Variants in RMND1 observed in about 807,000 individuals in gnomAD.
RMND1 encodes required for meiotic nuclear division 1 homolog.
In RMND1, 41 loss-of-function variants were observed where a neutral mutation model predicts 54.0. The observed-to-expected ratio is 0.76, with a 90% CI of 0.59 to 0.98. RMND1 has a LOEUF of 0.98. RMND1 is among the 50% of genes least tolerant of loss of function. RMND1 has a pLI of 0.00. For synonymous variants in RMND1, 183 were observed against 181.7 expected, an observed-to-expected ratio of 1.01 and a Z score of -0.06; for missense variants, 457 against 532.0, an observed-to-expected ratio of 0.86 and a Z score of 1.39.
intron 10 of RMND1, among the ~76,000 whole-genome samples, chr6:151,410,109 C>T (rs1779769984): frequency 6.6e-6 from 1 of 150,526 alleles, no homozygotes; most frequent in Non-Finnish European, 1.5e-5. Flanking sequence ...GGCTGGACTG[C>T]AGTGGCACAA....
chr6:151,422,904 T>C (rs1332850585), intron 7 of RMND1, among the ~76,000 whole-genome samples: 1 of 152,052 alleles, frequency 6.6e-6, no homozygotes, highest in East Asian at 1.9e-4. Context: ...CTTGATACCA[T>C]GGGTAGCTCT....
intron 1 of RMND1, 60 bp from the exon 2 acceptor site, chr6:151,445,885 A>T: frequency 7.2e-7 from 1 of 1,391,410 alleles, no homozygotes; most frequent in East Asian, 2.5e-5. Context: ...CATATATAAT[A>T]TTTCCCTAGG....
At chr6:151,430,070 T>G in intron 5 of RMND1, 68 bp downstream of exon 5, 1 of 946,790 alleles carries the variant, frequency 1.1e-6, no homozygotes. Flanking sequence ...TGTTTCAGTA[T>G]GTGCTAATTA....
chr6:151,426,805 T>C (rs898303048), intron 6 of RMND1, among the ~76,000 whole-genome samples: 1 of 152,036 alleles, frequency 6.6e-6, no homozygotes, highest in Non-Finnish European at 1.5e-5. Flanking sequence ...GTTTCACTCT[T>C]GTCACCCTGG....
chr6:151,439,933 TA>T (rs1780726486), intron 2 of RMND1, among the ~76,000 whole-genome samples: 1 of 151,840 alleles, frequency 6.6e-6, no homozygotes, highest in Non-Finnish European at 1.5e-5. Context: ...GTGCTGGGAT[TA>T]CAGGCATCAG....
Position 151,430,172 on chromosome 6 carries a change from C to T in RMND1, c.695G>A (p.Gly232Glu), listed in dbSNP as rs771207585. 2 of 1,598,680 alleles carry T rather than the reference C, an allele frequency of 1.3e-6. No individual in the cohort carries two copies. The highest frequency in any genetic ancestry group is 4.5e-5 in the East Asian group (2 of 44,678). ...DPGTIFFFRE[G>E]AAVFWNVKDK... The stretch of plus-strand genomic sequence containing the variant: ...TTTCACATTCCAAAACACAGCAGCT[C>T]CTTCCCTGATTTAAAAAAATAAAAG... The change falls in exon 5 of 12, where the codon GGA (glycine) becomes GAA (glutamate). Residue 232 changes from glycine to glutamate, a missense_variant. By Grantham distance (98) the Gly-to-Glu change is moderately conservative. Coordinates refer to ENST00000444024, the MANE Select transcript of RMND1 (RefSeq NM_017909.4).
intron 1 of RMND1, among the ~76,000 whole-genome samples, chr6:151,446,891 ACT>A (rs1040604782): frequency 7.2e-6 from 1 of 138,892 alleles, no homozygotes; most frequent in African/African-American, 3.1e-5. Context: ...ACAGAATGAG[ACT>A]CTGTCTCAAA....
At chr6:151,449,444 T>A (rs867464469) in intron 1 of RMND1, among the ~76,000 whole-genome samples, 4 of 152,088 alleles carry the variant, frequency 2.6e-5, no homozygotes, top group African/African-American at 9.7e-5. Context: ...ATCACCACTT[T>A]GACAGCACTC....
intron 2 of RMND1, among the ~76,000 whole-genome samples, chr6:151,444,310 G>T (rs1780885844): frequency 6.6e-6 from 1 of 152,192 alleles, no homozygotes; most frequent in East Asian, 1.9e-4. Flanking sequence ...CCAGCAAAAG[G>T]AAAGGGGAAA....
intron 8 of RMND1, among the ~76,000 whole-genome samples, chr6:151,421,759 G>C (rs1189599632): frequency 1.3e-5 from 2 of 151,990 alleles, no homozygotes; most frequent in East Asian, 3.8e-4. Context: ...AGGAAAAGTG[G>C]TCATAATTTC....
intron 4 of RMND1, among the ~76,000 whole-genome samples, chr6:151,430,508 A>C (rs1224602582): frequency 6.6e-6 from 1 of 152,222 alleles, no homozygotes; most frequent in Non-Finnish European, 1.5e-5. Context: ...AGAATAAGGA[A>C]ATTTTTTGAG....
At chr6:151,440,766 GCTTT>G (rs1215879708) in intron 2 of RMND1, among the ~76,000 whole-genome samples, 5 of 151,968 alleles carry the variant, frequency 3.3e-5, no homozygotes, top group African/African-American at 1.2e-4. Context: ...TGTTTTCTTT[GCTTT>G]TTTTATTTTA....
intron 4 of RMND1, among the ~76,000 whole-genome samples, chr6:151,430,966 A>C (rs988611095): frequency 6.6e-6 from 1 of 152,314 alleles, no homozygotes; most frequent in African/African-American, 2.4e-5. Flanking sequence ...TGATAGAAAC[A>C]TAAGTATGAT....
intron 10 of RMND1, among the ~76,000 whole-genome samples, chr6:151,407,275 G>A (rs958968122): frequency 9.2e-5 from 14 of 152,090 alleles, no homozygotes; most frequent in African/African-American, 3.4e-4. Context: ...TAGATGTGTA[G>A]AGCATGCCTC....
At chr6:151,414,410 G>A (rs1293637055) in intron 10 of RMND1, among the ~76,000 whole-genome samples, 1 of 152,104 alleles carries the variant, frequency 6.6e-6, no homozygotes, top group African/African-American at 2.4e-5. Flanking sequence ...GGCAATGAGG[G>A]AAACTGGAGG....
intron 3 of RMND1, chr6:151,436,118 A>ACC (rs931179250): frequency 6.0e-5 from 12 of 198,538 alleles, no homozygotes; most frequent in Non-Finnish European, 1.2e-4. Flanking sequence ...AAAACAAAAA[A>ACC]AAAAAAAACA....
Position 151,430,124 on chromosome 6 carries a change from T to G in RMND1, c.729+14A>C. ...ACTAAATTTTTATATTTTCACATTT[T>G]TATTTACACTTACAGTTTTGTCTTT... On this transcript the variant is annotated intron_variant, in intron 5 of 11. Transcript: ENST00000444024. 1 of 1,563,870 alleles carries G rather than the reference T, an allele frequency of 6.4e-7. No individual in the cohort carries two copies. Among genetic ancestry groups the G allele is most frequent in the African/African-American group, 1.4e-5 (1 of 73,612 alleles).
intron 1 of RMND1, among the ~76,000 whole-genome samples, chr6:151,449,927 A>G (rs954309941): frequency 6.6e-6 from 1 of 152,192 alleles, no homozygotes; most frequent in African/African-American, 2.4e-5. Context: ...CCGGGTTTGC[A>G]GACGGAGTCT....
intron 1 of RMND1, among the ~76,000 whole-genome samples, chr6:151,450,049 G>A (rs1456222882): frequency 6.6e-6 from 1 of 152,152 alleles, no homozygotes; most frequent in Non-Finnish European, 1.5e-5. Context: ...TGCCGAGATT[G>A]CAGCCTCTGC....
Sources: allele counts gnomAD v4.1 joint callset (sites outside exome capture counted in the v4.1 genomes callset), GRCh38; gene constraint gnomAD v4.1.1; transcripts MANE v1.5; gene names NCBI Gene and HGNC (gene_info 2026-07-23, HGNC 2026-07-21).